Variants in RXRG observed in about 807,000 individuals in gnomAD.
RXRG encodes retinoid X receptor gamma.
Under a neutral mutation model 49.2 loss-of-function variants are expected in RXRG, and 19 were observed. The ratio of observed to expected loss-of-function variants is 0.39; its 90% CI spans 0.27 to 0.57. RXRG has a LOEUF of 0.57. Ranked by LOEUF, RXRG falls within the 20% of genes least tolerant of loss-of-function variation. RXRG has a pLI of 0.64. For missense variants in RXRG, 452 were observed against 592.5 expected, an observed-to-expected ratio of 0.76 and a Z score of 2.46; for synonymous variants, 224 against 216.6, an observed-to-expected ratio of 1.03 and a Z score of -0.30.
Position 165,428,961 on chromosome 1 carries a change from G to A in RXRG, c.55C>T (p.Pro19Ser). The change falls in exon 2 of 10, where the codon CCT becomes TCT. Residue 19 changes from proline (P) to serine (S), a missense_variant. Coordinates refer to ENST00000359842, the MANE Select transcript of RXRG (RefSeq NM_006917.5). The stretch of plus-strand genomic sequence containing the variant: ...ATGGATGTAGAGCCAGTGTGGCCAG[G>A]GGAGCCTGTAAGAAGAAGAATATAG... ...MKFPAGYGGS[P>S]GHTGSTSMSP... is the part of the protein sequence containing the mutation. 6.2e-7 allele frequency: 1 copy of A among 1,612,548 alleles called. No homozygotes were observed. Among genetic ancestry groups the A allele is most frequent in the East Asian group, 2.2e-5 (1 of 44,852 alleles).
intron 7 of RXRG, among the ~76,000 whole-genome samples, chr1:165,408,766 T>C (rs1027683392): frequency 6.6e-6 from 1 of 152,070 alleles, no homozygotes; most frequent in African/African-American, 2.4e-5. Flanking sequence ...CCAAACACCA[T>C]GTTGGGCTCT....
chr1:165,407,428 C>T (rs991689905), intron 8 of RXRG, among the ~76,000 whole-genome samples: 5 of 152,164 alleles, frequency 3.3e-5, no homozygotes, highest in South Asian at 2.1e-4. Flanking sequence ...TATTTTCCCT[C>T]GAGCCTCCAG....
chr1:165,435,364 T>A (rs1658791399), intron 1 of RXRG, among the ~76,000 whole-genome samples: 1 of 152,152 alleles, frequency 6.6e-6, no homozygotes, highest in South Asian at 2.1e-4. Context: ...ACTATTAGTA[T>A]CCTCATCCCC....
intron 2 of RXRG, among the ~76,000 whole-genome samples, chr1:165,427,778 C>T (rs1658538044): frequency 6.6e-6 from 1 of 152,182 alleles, no homozygotes; most frequent in South Asian, 2.1e-4. Context: ...GATGGAATAT[C>T]AGTGGGCACG....
intron 1 of RXRG, among the ~76,000 whole-genome samples, chr1:165,432,155 TTTG>T (rs1404479313): frequency 6.6e-6 from 1 of 152,172 alleles, no homozygotes; most frequent in African/African-American, 2.4e-5. Flanking sequence ...AAAGTACATT[TTTG>T]TTGTTGTTAT....
chr1:165,414,174 C>T (rs929658181), intron 4 of RXRG, among the ~76,000 whole-genome samples: 1 of 152,182 alleles, frequency 6.6e-6, no homozygotes, highest in Non-Finnish European at 1.5e-5. Flanking sequence ...GTAAATGGTG[C>T]CAATCTCTTC....
At chr1:165,424,265 A>G (rs1446829887) in intron 2 of RXRG, among the ~76,000 whole-genome samples, 1 of 152,240 alleles carries the variant, frequency 6.6e-6, no homozygotes, top group Non-Finnish European at 1.5e-5. Context: ...CATTTTTGGT[A>G]TCTCCAGTGC....
intron 9 of RXRG, among the ~76,000 whole-genome samples, chr1:165,402,740 ACTCATGCACACACACCTTCACACACT>A (rs1221772315): frequency 6.6e-6 from 1 of 151,306 alleles, no homozygotes; most frequent in African/African-American, 2.4e-5. Flanking sequence ...CTTCACACAC[ACTCATGCACACACACCTTCACACACT>A]CTCATGCATA....
chr1:165,406,940 C>A (rs370161886), intron 8 of RXRG, 23 bp from the exon 9 acceptor site: 4 of 1,537,672 alleles, frequency 2.6e-6, no homozygotes, highest in Admixed American at 3.3e-5. Context: ...ACTGAGTTAG[C>A]CTTTGATTAC....
chr1:165,423,883 A>G (rs2101729059), intron 2 of RXRG, among the ~76,000 whole-genome samples: 1 of 152,334 alleles, frequency 6.6e-6, no homozygotes, highest in Non-Finnish European at 1.5e-5. Context: ...TCCAGCTCTA[A>G]CATTTGCAAT....
At chr1:165,424,794 CCT>C in intron 2 of RXRG, 6 of 985,496 alleles carry the variant, frequency 6.1e-6, no homozygotes, top group Non-Finnish European at 7.2e-6. Context: ...ATCATGAATC[CCT>C]CTCAGACCAG....
intron 4 of RXRG, among the ~76,000 whole-genome samples, chr1:165,413,545 C>G (rs1371890539): frequency 6.6e-6 from 1 of 152,182 alleles, no homozygotes; most frequent in African/African-American, 2.4e-5. Context: ...TCTCTAACCT[C>G]TCAGTACTGC....
At chr1:165,443,110 C>A (rs1659056017) in intron 1 of RXRG, among the ~76,000 whole-genome samples, 1 of 152,176 alleles carries the variant, frequency 6.6e-6, no homozygotes, top group Non-Finnish European at 1.5e-5. Flanking sequence ...AGGATGCTAA[C>A]ATTCCAAGAT....
At chr1:165,407,119 A>G (rs1657781922) in intron 8 of RXRG, among the ~76,000 whole-genome samples, 2 of 152,176 alleles carry the variant, frequency 1.3e-5, no homozygotes, top group South Asian at 2.1e-4. Context: ...CAAAGATTTT[A>G]AACTCCATGA....
Position 165,445,083 on chromosome 1 carries a change from G to A in RXRG, c.-190C>T. On this transcript the variant is annotated 5_prime_UTR_variant, in exon 1 of 10. Transcript: ENST00000359842. ...CAGGAATCTGCCTCTAGATCGGAGA[G>A]TCCACATAGTGCGTTTGAGACGGCT... The A allele has an allele frequency of 1.7e-6, 1 of 599,412 alleles. No individual in the cohort carries two copies. The allele number at this position is 599,412 out of a possible 1,614,324, so 37.1% of individuals were successfully genotyped here. A position where few individuals can be genotyped will look rare whatever the true frequency, so the allele number is the denominator to read the frequency against.
intron 8 of RXRG, 72 bp from the exon 9 acceptor site, chr1:165,406,989 AC>A: frequency 2.7e-6 from 3 of 1,112,258 alleles, no homozygotes; most frequent in Non-Finnish European, 4.1e-6. Context: ...CTCTCTGGCC[AC>A]TCTCTGTAGA....
intron 9 of RXRG, among the ~76,000 whole-genome samples, chr1:165,404,726 T>A (rs1657691241): frequency 6.6e-6 from 1 of 152,230 alleles, no homozygotes; most frequent in Admixed American, 6.5e-5. Context: ...CCAAAATATT[T>A]ACAATAAGTT....
chr1:165,404,232 C>A (rs1262606094), intron 9 of RXRG, among the ~76,000 whole-genome samples: 3 of 152,222 alleles, frequency 2.0e-5, no homozygotes, highest in African/African-American at 7.2e-5. Context: ...ACTATGAACA[C>A]TTGATCAGGG....
chr1:165,427,194 A>G (rs550386835), intron 2 of RXRG, among the ~76,000 whole-genome samples: 4 of 152,336 alleles, frequency 2.6e-5, no homozygotes, highest in African/African-American at 9.6e-5. Context: ...AGGCCCTGCC[A>G]GTTCTGCCTC....
Sources: allele counts gnomAD v4.1 joint callset (sites outside exome capture counted in the v4.1 genomes callset), GRCh38; gene constraint gnomAD v4.1.1; transcripts MANE v1.5; gene names NCBI Gene and HGNC (gene_info 2026-07-23, HGNC 2026-07-21).